Variants in ZNF331 observed in about 807,000 individuals in gnomAD.
ZNF331 encodes the protein C2H2-like zinc finger protein rearranged in thyroid adenomas.
A neutral mutation model predicts 7.0 loss-of-function variants in ZNF331; 2 were observed. The ratio of observed to expected loss-of-function variants is 0.29; its 90% CI spans 0.12 to 0.90. The LOEUF (loss-of-function observed/expected upper bound fraction) is 0.90. ZNF331 is among the 40% of genes least tolerant of loss of function. The pLI is 0.58. For synonymous variants in ZNF331, 196 were observed against 205.4 expected, an observed-to-expected ratio of 0.95 and a Z score of 0.39; for missense variants, 432 against 587.7, an observed-to-expected ratio of 0.74 and a Z score of 2.74.
chr19:53,534,514 T>G (rs2087664852), upstream of ZNF331, among the ~76,000 whole-genome samples: 1 of 152,124 alleles, frequency 6.6e-6, no homozygotes, highest in South Asian at 2.1e-4. Context: ...CTCGAACTCT[T>G]GACCTCAAGT....
chr19:53,543,062 G>A (rs1250512344), intron 2 of ZNF331, among the ~76,000 whole-genome samples: 1 of 152,116 alleles, frequency 6.6e-6, no homozygotes, highest in Non-Finnish European at 1.5e-5. Flanking sequence ...ACCTGCCTCA[G>A]CCTCCGAAAG....
intron 5 of ZNF331, among the ~76,000 whole-genome samples, chr19:53,574,858 G>A (rs1319346136): frequency 6.6e-6 from 1 of 151,894 alleles, no homozygotes; most frequent in Admixed American, 6.6e-5. Context: ...TCATGCAGTG[G>A]CACTGTTCAT....
At chr19:53,568,955 C>G (rs1256589721) in intron 3 of ZNF331, among the ~76,000 whole-genome samples, 1 of 148,594 alleles carries the variant, frequency 6.7e-6, no homozygotes, top group African/African-American at 2.5e-5. Flanking sequence ...CTCCCGGGTT[C>G]AAGCGATTCC....
intron 3 of ZNF331, among the ~76,000 whole-genome samples, chr19:53,568,091 A>C (rs1410828209): frequency 6.6e-6 from 1 of 152,032 alleles, no homozygotes; most frequent in East Asian, 1.9e-4. Context: ...TCTACTAAAA[A>C]TACAAAAATT....
intron 2 of ZNF331, among the ~76,000 whole-genome samples, chr19:53,542,596 A>T (rs2088252856): frequency 6.6e-6 from 1 of 152,302 alleles, no homozygotes; most frequent in South Asian, 2.1e-4. Context: ...GCATCTTCTC[A>T]GATTAGAGTC....
chr19:53,503,414 G>A, the ZNF331 span: 4 of 547,818 alleles, frequency 7.3e-6, no homozygotes, highest in Non-Finnish European at 1.3e-5. Context: ...ATGTGGCCAT[G>A]GGAACGATCT....
upstream of ZNF331, among the ~76,000 whole-genome samples, chr19:53,518,301 G>T (rs2086953395): frequency 6.6e-6 from 1 of 152,008 alleles, no homozygotes; most frequent in South Asian, 2.1e-4. Context: ...TTTGCCGGGG[G>T]CCCTGTGGCC....
rs759310666 is a variant in ZNF331, at chr19:53,573,372, G to A, written c.136+1642G>A. On this transcript the variant is annotated intron_variant, in intron 5 of 5. Transcript: ENST00000449416. This position sits in a 1 kb window ranked among gnomAD's most constrained non-coding sequence, Gnocchi z 4.2. ...TCTCCTGAAAATACAAAAATTTGCC[G>A]GGTGTGGTGGCGCATGCCTGTAATT... is the stretch of plus-strand genomic sequence containing the variant. Among the ~76,000 whole-genome samples, 21 of 152,186 alleles carry A rather than the reference G, an allele frequency of 1.4e-4. No homozygotes were observed. Among genetic ancestry groups the A allele is most frequent in the African/African-American group, 4.3e-4 (18 of 41,532 alleles).
rs2090814637 is a variant in ZNF331, at chr19:53,578,433, A to G, written c.*481A>G. The G allele has an allele frequency of 4.3e-6, 1 of 231,786 alleles. No homozygotes were observed. The highest frequency in any genetic ancestry group is 5.3e-5 in the Admixed American group (1 of 18,700). The allele number at this position is 231,786 out of a possible 1,614,324, so 14.4% of individuals were successfully genotyped here. A position where few individuals can be genotyped will look rare whatever the true frequency, so the allele number is the denominator to read the frequency against. On this transcript the variant is annotated 3_prime_UTR_variant, in exon 6 of 6. Coordinates refer to ENST00000449416, the MANE Select transcript of ZNF331 (RefSeq NM_001079906.2). ...ATATACTGAGGTTGCTAAGATCTAC[A>G]TGACAATAAGATATTTTGGGAGAGA...
In ZNF331 at chr19:53,576,778, A is replaced by G. The variant is rs925575008; in HGVS notation, c.218A>G (p.Asp73Gly). 6.2e-6 allele frequency: 10 copies of G among 1,614,074 alleles called. No individual in the cohort carries two copies. The African/African-American group carries it at 1.2e-4, about 19-fold the overall frequency. ...HEIRASKRNS[D>G]RRSKSLGRNW... is the part of the protein sequence containing the mutation. ...ATAAGGGCTTCCAAAAGGAATTCAG[A>G]TAGAAGAAGTAAATCCCTTGGCCGT... The change falls in exon 6 of 6, where the codon GAT becomes GGT. Residue 73 changes from aspartate (D) to glycine (G), a missense_variant. Physicochemically the swap from Asp to Gly is moderately conservative, Grantham distance 94 (BLOSUM62 -1). This residue lies in a region of ZNF331 where 81 missense variants were observed against 70.3 expected (regional missense o/e 1.15). Coordinates refer to ENST00000449416, the MANE Select transcript of ZNF331 (RefSeq NM_001079906.2).
At chr19:53,569,528 T>A in intron 4 of ZNF331, 143 bp downstream of exon 4, 2 of 927,258 alleles carry the variant, frequency 2.2e-6, no homozygotes, top group Non-Finnish European at 3.3e-6. Flanking sequence ...TGAATGATAA[T>A]GCCACGTAGC....
At chr19:53,516,432 G>T (rs1037234691), upstream of ZNF331, among the ~76,000 whole-genome samples, 1 of 140,068 alleles carries the variant, frequency 7.1e-6, no homozygotes, top group Non-Finnish European at 1.5e-5. Context: ...CTGGACAACA[G>T]AACGAGACTC....
chr19:53,533,177 G>A (rs2087608054), upstream of ZNF331, among the ~76,000 whole-genome samples: 1 of 151,432 alleles, frequency 6.6e-6, no homozygotes, highest in Admixed American at 6.6e-5. Context: ...CGTTTCTCAA[G>A]ATTTGGTATG....
At position 53,578,671 on chromosome 19, in the gene ZNF331, C is replaced by A. The variant is rs1018180886; in HGVS notation, c.*719C>A. 3.8e-5 allele frequency: 8 copies of A among 207,854 alleles called. No homozygotes were observed. Among genetic ancestry groups the A allele is most frequent in the Middle Eastern group, 1.5e-3 (1 of 652 alleles). 12.9% of individuals were successfully genotyped at this position (207,854 alleles called of 1,614,324 possible). ...CCACTGCGGGTCTTCAAACGTACCC[C>A]CCTCAGGTGAGAGGGGACTGCTGTA... On this transcript the variant is annotated 3_prime_UTR_variant, in exon 6 of 6. Coordinates refer to ENST00000449416, the MANE Select transcript of ZNF331 (RefSeq NM_001079906.2).
the ZNF331 span, among the ~76,000 whole-genome samples, chr19:53,507,861 G>GTAGT: frequency 6.6e-6 from 1 of 152,130 alleles, no homozygotes; most frequent in Non-Finnish European, 1.5e-5. Context: ...TTAGCTGGAC[G>GTAGT]TAGTGGCAGG....
In ZNF331 at chr19:53,571,784, C is replaced by G. The variant is rs1287710041; in HGVS notation, c.136+54C>G. Reference sequence around the variant, plus strand: ...CTGCCTCCTGGAATATCCGCTCTCCCCTGTGAATTTCAGGACCGCCTTTCA... The same window carrying G: ...CTGCCTCCTGGAATATCCGCTCTCCGCTGTGAATTTCAGGACCGCCTTTCA... On this transcript the variant is annotated intron_variant, in intron 5 of 5. Coordinates refer to ENST00000449416, the MANE Select transcript of ZNF331 (RefSeq NM_001079906.2). This position sits in a 1 kb window ranked among gnomAD's most constrained non-coding sequence, Gnocchi z 4.7. 1 of 1,539,532 alleles carries G rather than the reference C, an allele frequency of 6.5e-7. No homozygotes were observed. The highest frequency in any genetic ancestry group is 2.3e-5 in the East Asian group (1 of 43,554).
intron 2 of ZNF331, among the ~76,000 whole-genome samples, chr19:53,550,858 T>TC (rs59342280): frequency 5.5e-5 from 8 of 146,614 alleles, no homozygotes; most frequent in Non-Finnish European, 1.2e-4. Flanking sequence ...TTTTTTTTTT[T>TC]CTTTTTTTTT....
At chr19:53,529,498 A>G (rs564096126) in intron 2 of ZNF331, among the ~76,000 whole-genome samples, 23 of 152,282 alleles carry the variant, frequency 1.5e-4, no homozygotes, top group African/African-American at 5.5e-4. Flanking sequence ...CTGTAGTTCA[A>G]TCATCATTGG....
upstream of ZNF331, among the ~76,000 whole-genome samples, chr19:53,515,324 A>G (rs972474084): frequency 2.6e-5 from 4 of 152,214 alleles, no homozygotes; most frequent in African/African-American, 7.2e-5. Flanking sequence ...CAAAGTCACT[A>G]AAATCAATCA....
Sources: allele counts gnomAD v4.1 joint callset (sites outside exome capture counted in the v4.1 genomes callset), GRCh38; gene constraint gnomAD v4.1.1; regional missense constraint gnomAD v4.1.1; non-coding constraint Gnocchi (gnomAD v3.1); transcripts MANE v1.5; gene names NCBI Gene and HGNC (gene_info 2026-07-23, HGNC 2026-07-21).